The following UGT8 variants were observed in gnomAD, a reference collection of about 807,000 sequenced individuals.
The protein encoded by UGT8 is 2-hydroxyacylsphingosine 1-beta-galactosyltransferase.
Under a neutral mutation model 40.5 loss-of-function variants are expected in UGT8, and 12 were observed. The ratio of observed to expected loss-of-function variants is 0.30; its 90% CI spans 0.19 to 0.48. UGT8 has a LOEUF of 0.48. Ranked by LOEUF, UGT8 falls within the 20% of genes least tolerant of loss-of-function variation. The pLI is 0.99. For missense variants in UGT8, 513 were observed against 648.7 expected, an observed-to-expected ratio of 0.79 and a Z score of 2.27; for synonymous variants, 224 against 240.4, an observed-to-expected ratio of 0.93 and a Z score of 0.63.
At chr4:114,622,132 G>GTGTGA (rs985430707) in intron 1 of UGT8, among the ~76,000 whole-genome samples, 1 of 125,334 alleles carries the variant, frequency 8.0e-6, no homozygotes, top group African/African-American at 3.2e-5. Flanking sequence ...AGTCCCCAGA[G>GTGTGA]TGTGATGTTC....
chr4:114,646,009 A>G (rs978704022), intron 2 of UGT8, among the ~76,000 whole-genome samples: 1 of 152,190 alleles, frequency 6.6e-6, no homozygotes, highest in African/African-American at 2.4e-5. Flanking sequence ...GAGACGGAAT[A>G]TCTTTTTCCA....
chr4:114,677,594 G>T lies in UGT8; in HGVS notation c.*1306G>T, dbSNP rs917052933. On this transcript the variant is annotated 3_prime_UTR_variant, in exon 6 of 6. Transcript: ENST00000310836. ...ACAGTATTCATTTGAGAACAGGGAT[G>T]CAAGTCACAGACATCATAAAATCAG... 2 of 152,230 alleles carry T rather than the reference G, an allele frequency of 1.3e-5. No individual in the cohort carries two copies. The highest frequency in any genetic ancestry group is 2.9e-5 in the Non-Finnish European group (2 of 68,044). The allele number at this position is 152,230 out of a possible 1,614,324, so 9.4% of individuals were successfully genotyped here. A position where few individuals can be genotyped will look rare whatever the true frequency, so the allele number is the denominator to read the frequency against.
intron 2 of UGT8, among the ~76,000 whole-genome samples, chr4:114,658,459 A>T (rs1327101343): frequency 6.6e-6 from 1 of 152,152 alleles, no homozygotes; most frequent in Non-Finnish European, 1.5e-5. Flanking sequence ...TTTGGGTTGC[A>T]GGCTGGTATC....
intron 2 of UGT8, among the ~76,000 whole-genome samples, chr4:114,662,250 A>G (rs1256622621): frequency 6.6e-6 from 1 of 152,174 alleles, no homozygotes; most frequent in Non-Finnish European, 1.5e-5. Flanking sequence ...GAACACTTCC[A>G]TTAGCCTACA....
intron 1 of UGT8, among the ~76,000 whole-genome samples, chr4:114,608,068 T>C (rs899001211): frequency 6.6e-6 from 1 of 152,192 alleles, no homozygotes; most frequent in South Asian, 2.1e-4. Flanking sequence ...ATCAGACTTA[T>C]TTATTTTCTC....
intron 2 of UGT8, among the ~76,000 whole-genome samples, chr4:114,641,216 T>C (rs751234799): frequency 6.6e-5 from 10 of 152,230 alleles, no homozygotes; most frequent in Non-Finnish European, 1.0e-4. Flanking sequence ...AGCTCTACTA[T>C]TGGTGGCATT....
At chr4:114,617,822 G>C (rs1731534134) in intron 1 of UGT8, among the ~76,000 whole-genome samples, 1 of 152,210 alleles carries the variant, frequency 6.6e-6, no homozygotes, top group African/African-American at 2.4e-5. Context: ...CCAGCAAATA[G>C]AGACTGATGT....
chr4:114,659,961 A>G (rs1333523239), intron 2 of UGT8, among the ~76,000 whole-genome samples: 6 of 152,258 alleles, frequency 3.9e-5, no homozygotes, highest in African/African-American at 1.4e-4. Context: ...ATGATGAGAT[A>G]TTAAATAACT....
intron 1 of UGT8, among the ~76,000 whole-genome samples, chr4:114,600,001 C>T (rs980430063): frequency 6.6e-6 from 1 of 152,134 alleles, no homozygotes; most frequent in Admixed American, 6.5e-5. Context: ...TGTACCTGTA[C>T]CGCGAGTTCC....
intron 2 of UGT8, among the ~76,000 whole-genome samples, chr4:114,659,376 TA>T (rs1734380054): frequency 6.6e-6 from 1 of 152,198 alleles, no homozygotes; most frequent in Admixed American, 6.5e-5. Flanking sequence ...ATCTGTTACT[TA>T]AGTTGCATAG....
chr4:114,630,639 AT>A (rs1170965102), intron 2 of UGT8, among the ~76,000 whole-genome samples: 2,290 of 144,652 alleles, frequency 0.016, 30 homozygotes, highest in African/African-American at 0.043. Context: ...CATCTTGGGG[AT>A]TTTTTTTTTT....
intron 2 of UGT8, among the ~76,000 whole-genome samples, chr4:114,642,735 A>G (rs1733306308): frequency 6.6e-6 from 1 of 152,170 alleles, no homozygotes; most frequent in Admixed American, 6.5e-5. Flanking sequence ...GGTGTATGAG[A>G]AAAATGTATT....
chr4:114,630,019 G>C (rs944969580), intron 2 of UGT8, among the ~76,000 whole-genome samples: 1 of 152,108 alleles, frequency 6.6e-6, no homozygotes, highest in African/African-American at 2.4e-5. Context: ...AGTTTTGGGG[G>C]ATGATATTCT....
intron 5 of UGT8, among the ~76,000 whole-genome samples, chr4:114,673,767 C>T (rs1414645718): frequency 6.6e-6 from 1 of 152,090 alleles, no homozygotes; most frequent in East Asian, 1.9e-4. Flanking sequence ...TTTAAAGATA[C>T]TCCTTTGCCC....
chr4:114,621,538 A>G (rs1731790707), intron 1 of UGT8, among the ~76,000 whole-genome samples: 1 of 152,212 alleles, frequency 6.6e-6, no homozygotes, highest in Non-Finnish European at 1.5e-5. Context: ...GTATGCTTTG[A>G]TTATAACTGC....
Position 114,635,583 on chromosome 4 carries a change from G to A in UGT8, c.822+11881G>A, listed in dbSNP as rs552910949. On this transcript the variant is annotated intron_variant, in intron 2 of 5. Coordinates refer to ENST00000310836, the MANE Select transcript of UGT8 (RefSeq NM_001128174.3). Reference sequence around the variant, plus strand: ...ATAGAGAATTTGTGGAAAAGATTTTGTAAAATATTTATTTAGAAACATTTT... The same window carrying A: ...ATAGAGAATTTGTGGAAAAGATTTTATAAAATATTTATTTAGAAACATTTT... Among the ~76,000 whole-genome samples the A allele has an allele frequency of 5.9e-5, 9 of 152,138 alleles. No homozygotes were observed. The South Asian group carries it at 1.0e-3, about 18-fold the overall frequency.
intron 2 of UGT8, among the ~76,000 whole-genome samples, chr4:114,632,670 A>C (rs555941961): frequency 5.9e-5 from 9 of 152,338 alleles, no homozygotes; most frequent in African/African-American, 2.2e-4. Context: ...GAAAAACATT[A>C]GGTTCTAAGG....
At chr4:114,660,543 C>A (rs1247689713) in intron 2 of UGT8, among the ~76,000 whole-genome samples, 1 of 152,002 alleles carries the variant, frequency 6.6e-6, no homozygotes, top group Non-Finnish European at 1.5e-5. Context: ...AATATTTCTG[C>A]CAGTCTATTA....
intron 4 of UGT8, 58 bp downstream of exon 4, chr4:114,665,814 G>T: frequency 3.6e-6 from 5 of 1,384,316 alleles, no homozygotes; most frequent in South Asian, 1.3e-5. Flanking sequence ...ACATAAATGT[G>T]ACTTTTTTTT....
Sources: allele counts gnomAD v4.1 joint callset (sites outside exome capture counted in the v4.1 genomes callset), GRCh38; gene constraint gnomAD v4.1.1; transcripts MANE v1.5; gene names NCBI Gene and HGNC (gene_info 2026-07-23, HGNC 2026-07-21).